ALMS1: variants seen among roughly 807,000 people sequenced by gnomAD.
ALMS1 encodes centrosome-associated protein ALMS1.
Under a neutral mutation model 352.2 loss-of-function variants are expected in ALMS1, and 271 were observed. The observed-to-expected ratio is 0.77, with a 90% CI of 0.70 to 0.85. ALMS1 has a LOEUF of 0.85. ALMS1 is among the 40% of genes least tolerant of loss of function. The pLI is 0.00. For missense variants in ALMS1, 5,445 were observed against 4,870.7 expected (o/e 1.12, Z -3.51); for synonymous variants, 1,865 against 1,761.2 (o/e 1.06, Z -1.48).
intron 9 of ALMS1, among the ~76,000 whole-genome samples, chr2:73,474,391 G>GTC (rs1672537739): frequency 1.9e-5 from 1 of 52,998 alleles, no homozygotes; most frequent in African/African-American, 6.3e-5. Flanking sequence ...GTGTGTGTGT[G>GTC]TGTGTGTGTG....
intron 10 of ALMS1, among the ~76,000 whole-genome samples, chr2:73,512,925 G>A (rs550501101): frequency 3.9e-5 from 6 of 152,152 alleles, no homozygotes; most frequent in Admixed American, 1.3e-4. Flanking sequence ...CTAGGCATAT[G>A]TGTTGCTCCC....
At chr2:73,600,337 T>C (rs549972273) in intron 17 of ALMS1, among the ~76,000 whole-genome samples, 73 of 152,350 alleles carry the variant, frequency 4.8e-4, no homozygotes, top group South Asian at 4.1e-3. Flanking sequence ...GTCAGCCTCT[T>C]CCTTACCTGC....
intron 21 of ALMS1, chr2:73,604,056 C>T (rs926974413): frequency 2.0e-5 from 3 of 152,092 alleles, no homozygotes; most frequent in South Asian, 2.1e-4. Flanking sequence ...CATTTGTGGT[C>T]TTTAAAAATA....
At chr2:73,391,154 G>C (rs140402880) in intron 1 of ALMS1, among the ~76,000 whole-genome samples, 285 of 151,968 alleles carry the variant, frequency 1.9e-3, no homozygotes, top group Non-Finnish European at 3.2e-3. Context: ...CTCCCACCCA[G>C]AGTTCAACAT....
chr2:73,387,856 G>C (rs1007824932), intron 1 of ALMS1, among the ~76,000 whole-genome samples: 3 of 152,194 alleles, frequency 2.0e-5, no homozygotes, highest in Non-Finnish European at 4.4e-5. Context: ...GTTTGGAATA[G>C]GGAAGTGTTG....
At chr2:73,435,402 T>C (rs1032994091) in intron 7 of ALMS1, among the ~76,000 whole-genome samples, 3 of 152,118 alleles carry the variant, frequency 2.0e-5, no homozygotes, top group Admixed American at 2.0e-4. Flanking sequence ...TCTAGGTAGT[T>C]TTTTTTAAAG....
rs1197055643 is a variant in ALMS1, at chr2:73,558,987, C to T, written c.10229C>T (p.Ala3410Val). 6.2e-7 allele frequency: 1 copy of T among 1,613,892 alleles called. No individual in the cohort carries two copies. Among genetic ancestry groups the T allele is most frequent in the Non-Finnish European group, 8.5e-7 (1 of 1,179,944 alleles). The stretch of plus-strand genomic sequence containing the variant: ...CCTTTCGTAGATTCCAGTGCTGCTG[C>T]TGCTGCAGAGCACTCAGCTCAAGTA... ...QKDTADSSAA[A>V]AAEHSAQVGD... Residue 3410 changes from alanine to valine, a missense_variant, in exon 15 of 23, where the codon GCT becomes GTT. Physicochemically the swap from Ala to Val is moderately conservative, Grantham distance 64. Coordinates refer to ENST00000613296, the MANE Select transcript of ALMS1 (RefSeq NM_001378454.1).
intron 15 of ALMS1, among the ~76,000 whole-genome samples, chr2:73,564,591 C>T (rs948386997): frequency 1.3e-5 from 2 of 152,072 alleles, no homozygotes; most frequent in Non-Finnish European, 2.9e-5. Flanking sequence ...AAAAGAAACC[C>T]TGAGACTTAA....
At chr2:73,492,478 T>C (rs1673011601) in intron 10 of ALMS1, among the ~76,000 whole-genome samples, 1 of 152,172 alleles carries the variant, frequency 6.6e-6, no homozygotes, top group Non-Finnish European at 1.5e-5. Context: ...ATGCATTCTG[T>C]TTAATCAGAG....
intron 2 of ALMS1, among the ~76,000 whole-genome samples, chr2:73,417,256 A>G (rs1370030890): frequency 2.0e-5 from 3 of 152,216 alleles, no homozygotes; most frequent in Non-Finnish European, 4.4e-5. Flanking sequence ...GACTTTCTAC[A>G]AAACTATGAG....
chr2:73,593,112 A>AGAG (rs35779285), intron 16 of ALMS1, among the ~76,000 whole-genome samples: 132,716 of 151,240 alleles, frequency 0.88, 58,334 homozygotes, highest in Admixed American at 0.92. Context: ...GGAGATCATT[A>AGAG]GAGATGCGTG....
intron 16 of ALMS1, 138 bp downstream of exon 16, chr2:73,573,562 G>T: frequency 1.1e-6 from 1 of 882,668 alleles, no homozygotes; most frequent in East Asian, 2.6e-5. Flanking sequence ...GGAAAAGAGT[G>T]AGAAAGTGTA....
At chr2:73,587,276 CTT>C (rs1675333264) in intron 16 of ALMS1, among the ~76,000 whole-genome samples, 1 of 151,978 alleles carries the variant, frequency 6.6e-6, no homozygotes, top group Non-Finnish European at 1.5e-5. Flanking sequence ...ATTTTTTTCT[CTT>C]GTCTGATTGC....
chr2:73,566,368 C>T (rs1674800890), intron 15 of ALMS1, among the ~76,000 whole-genome samples: 1 of 152,106 alleles, frequency 6.6e-6, no homozygotes, highest in Admixed American at 6.6e-5. Flanking sequence ...GACAGTCACC[C>T]TGATAACCCA....
At chr2:73,583,575 T>C (rs1675245633) in intron 16 of ALMS1, among the ~76,000 whole-genome samples, 2 of 152,332 alleles carry the variant, frequency 1.3e-5, no homozygotes, top group Non-Finnish European at 2.9e-5. Flanking sequence ...ATTGCCACAT[T>C]GAATGTCATG....
intron 10 of ALMS1, among the ~76,000 whole-genome samples, chr2:73,512,622 C>T (rs1673476102): frequency 1.3e-5 from 2 of 152,000 alleles, no homozygotes; most frequent in Non-Finnish European, 2.9e-5. Flanking sequence ...AGATTTCAGA[C>T]TTGCAAATTT....
chr2:73,474,848 T>C (rs189001011), intron 9 of ALMS1, among the ~76,000 whole-genome samples: 1 of 152,246 alleles, frequency 6.6e-6, no homozygotes, highest in Admixed American at 6.5e-5. Context: ...TATAGTTTAT[T>C]TATAGAATTT....
chr2:73,567,940 A>G (rs2104091204), intron 15 of ALMS1, among the ~76,000 whole-genome samples: 1 of 152,312 alleles, frequency 6.6e-6, no homozygotes, highest in Middle Eastern at 3.4e-3. Flanking sequence ...AAATCAATTT[A>G]TAAATGAATA....
intron 7 of ALMS1, among the ~76,000 whole-genome samples, chr2:73,441,551 C>T (rs1671719085): frequency 6.6e-6 from 1 of 152,150 alleles, no homozygotes; most frequent in Admixed American, 6.5e-5. Context: ...CCATGGCCCA[C>T]AGACAGCAGG....
Sources: allele counts gnomAD v4.1 joint callset (sites outside exome capture counted in the v4.1 genomes callset), GRCh38; gene constraint gnomAD v4.1.1; transcripts MANE v1.5; gene names NCBI Gene and HGNC (gene_info 2026-07-23, HGNC 2026-07-21).